The following G2E3 variants were observed in gnomAD, a reference collection of about 807,000 sequenced individuals.
The protein encoded by G2E3 is G2/M phase-specific E3 ubiquitin-protein ligase.
In G2E3, 35 loss-of-function variants were observed where a neutral mutation model predicts 92.8. The ratio of observed to expected loss-of-function variants is 0.38; its 90% CI spans 0.29 to 0.50. The LOEUF is 0.50. Among genes scored for constraint, G2E3 ranks in the 20% least tolerant of loss-of-function variants. G2E3 has a pLI of 0.94. For synonymous variants in G2E3, 242 were observed against 272.4 expected (o/e 0.89, Z 1.10); for missense variants, 554 against 823.8 (o/e 0.67, Z 4.01).
intron 1 of G2E3, among the ~76,000 whole-genome samples, chr14:30,563,805 C>T (rs552826494): frequency 9.9e-4 from 150 of 151,732 alleles, no homozygotes; most frequent in African/African-American, 1.4e-3. Flanking sequence ...CTGCAACCTC[C>T]GCCTTCCCGG....
At chr14:30,561,253 G>C (rs1407998545) in intron 1 of G2E3, among the ~76,000 whole-genome samples, 1 of 152,120 alleles carries the variant, frequency 6.6e-6, no homozygotes, top group Non-Finnish European at 1.5e-5. Flanking sequence ...AGAGGGGCTC[G>C]GTAATTTGTT....
At chr14:30,602,535 C>T (rs926012880) in intron 10 of G2E3, among the ~76,000 whole-genome samples, 5 of 151,990 alleles carry the variant, frequency 3.3e-5, no homozygotes, top group Non-Finnish European at 7.4e-5. Flanking sequence ...TAGAGTAAGA[C>T]AGGAAAGTAA....
Position 30,619,040 on chromosome 14 carries a change from TATTC to T in G2E3, c.*2510_*2513del, listed in dbSNP as rs1278895017. 5 of 152,114 alleles carry T rather than the reference TATTC, an allele frequency of 3.3e-5. No individual in the cohort carries two copies. Among genetic ancestry groups the T allele is most frequent in the Non-Finnish European group, 7.4e-5 (5 of 67,948 alleles). 9.4% of individuals were successfully genotyped at this position (152,114 alleles called of 1,614,324 possible). A position where few individuals can be genotyped will look rare whatever the true frequency, so the allele number is the denominator to read the frequency against. ...CTGTTAATGGTTTTGGTTAGTTTGA[TATTC>T]ATTGTTTTTAAACACTTTCCAATAT... On this transcript the variant is annotated 3_prime_UTR_variant, in exon 15 of 15. Transcript: ENST00000206595.
intron 6 of G2E3, among the ~76,000 whole-genome samples, chr14:30,594,816 T>C (rs1881196040): frequency 6.6e-6 from 1 of 151,210 alleles, no homozygotes; most frequent in Non-Finnish European, 1.5e-5. Context: ...CTTTTATACT[T>C]AGGATTATTC....
chr14:30,562,411 A>G (rs1229242615), intron 1 of G2E3, among the ~76,000 whole-genome samples: 2 of 152,188 alleles, frequency 1.3e-5, no homozygotes, highest in African/African-American at 4.8e-5. Flanking sequence ...CTGAGGGGAC[A>G]TAGTGAGAAG....
intron 1 of G2E3, 179 bp from the exon 2 acceptor site, chr14:30,580,897 C>A: frequency 1.9e-6 from 1 of 538,928 alleles, no homozygotes; most frequent in Non-Finnish European, 3.4e-6. Context: ...AAAAAATGTT[C>A]CCGACTCTTA....
intron 10 of G2E3, chr14:30,602,916 T>C (rs973835009): frequency 2.0e-5 from 3 of 152,252 alleles, no homozygotes; most frequent in African/African-American, 7.2e-5. Context: ...CCTGCCATTT[T>C]TTGATGTTAT....
chr14:30,594,832 A>G (rs1267513085), intron 6 of G2E3, among the ~76,000 whole-genome samples: 3 of 151,462 alleles, frequency 2.0e-5, no homozygotes, highest in Non-Finnish European at 4.4e-5. Context: ...TATTCAGTTA[A>G]AAGTGCAGGA....
chr14:30,580,264 T>C (rs1322642959), intron 1 of G2E3, among the ~76,000 whole-genome samples: 1 of 152,158 alleles, frequency 6.6e-6, no homozygotes. Flanking sequence ...TAGAGTGCAA[T>C]GGTGTGATCT....
At chr14:30,567,293 G>C (rs910896843) in intron 1 of G2E3, among the ~76,000 whole-genome samples, 1 of 152,040 alleles carries the variant, frequency 6.6e-6, no homozygotes, top group African/African-American at 2.4e-5. Context: ...AACCCATCTG[G>C]GCTAGGACTT....
At chr14:30,615,592 A>G (rs961381530) in intron 14 of G2E3, 53 bp downstream of exon 14, 4 of 1,142,404 alleles carry the variant, frequency 3.5e-6, no homozygotes, top group Non-Finnish European at 3.6e-6. Flanking sequence ...TTGTTTCAGC[A>G]TATTTGTTGG....
At chr14:30,587,237 T>C (rs547047195) in intron 3 of G2E3, among the ~76,000 whole-genome samples, 96 of 152,292 alleles carry the variant, frequency 6.3e-4, no homozygotes, top group South Asian at 3.1e-3. Context: ...ACGTCTTGGC[T>C]AAAGGTGATA....
Position 30,565,650 on chromosome 14 carries a change from C to CTTTTT in G2E3, c.-5+6403_-5+6407dup, listed in dbSNP as rs537643569. Among the ~76,000 whole-genome samples the CTTTTT allele has an allele frequency of 3.9e-4, 24 of 62,254 alleles. 1 individual carries two copies. Among genetic ancestry groups the CTTTTT allele is most frequent in the East Asian group, 5.6e-4 (1 of 1,780 alleles). The allele number at this position is 62,254 out of a possible 152,430, so 40.8% of individuals were successfully genotyped here. ...GTGAGGTAGGGGTTCAACTTCATTC[C>CTTTTT]TTTTTTTTTTTTTTTTTTTTTTTTT... is the stretch of plus-strand genomic sequence containing the variant. On this transcript the variant is annotated intron_variant, in intron 1 of 14. Coordinates refer to ENST00000206595, the MANE Select transcript of G2E3 (RefSeq NM_017769.5).
intron 1 of G2E3, among the ~76,000 whole-genome samples, chr14:30,561,511 A>G (rs1488104987): frequency 6.6e-6 from 1 of 152,144 alleles, no homozygotes; most frequent in African/African-American, 2.4e-5. Flanking sequence ...TCTTCATAAT[A>G]TTACACCAGT....
chr14:30,588,107 A>C (rs2138839745), intron 3 of G2E3, among the ~76,000 whole-genome samples: 1 of 152,288 alleles, frequency 6.6e-6, no homozygotes, highest in Admixed American at 6.5e-5. Flanking sequence ...CTTATTTATA[A>C]GAGAACATGA....
At chr14:30,567,221 G>A (rs1394851610) in intron 1 of G2E3, among the ~76,000 whole-genome samples, 1 of 152,096 alleles carries the variant, frequency 6.6e-6, no homozygotes, top group Non-Finnish European at 1.5e-5. Flanking sequence ...AATATCTTTT[G>A]GAGGGGTTTG....
chr14:30,575,769 TG>T (rs1294567929), intron 1 of G2E3, among the ~76,000 whole-genome samples: 1 of 152,110 alleles, frequency 6.6e-6, no homozygotes, highest in Non-Finnish European at 1.5e-5. Context: ...CCATTCACAG[TG>T]GCTACAAAAA....
chr14:30,604,805 G>A (rs1467944634), intron 10 of G2E3, among the ~76,000 whole-genome samples: 1 of 152,190 alleles, frequency 6.6e-6, no homozygotes, highest in Non-Finnish European at 1.5e-5. Flanking sequence ...CATAGTAAAT[G>A]TGAAGTAAAC....
chr14:30,590,317 T>C (rs986143616), intron 4 of G2E3, among the ~76,000 whole-genome samples: 1 of 151,900 alleles, frequency 6.6e-6, no homozygotes, highest in African/African-American at 2.4e-5. Flanking sequence ...GCTGAAGTTG[T>C]TTAGACTTTG....
Sources: allele counts gnomAD v4.1 joint callset (sites outside exome capture counted in the v4.1 genomes callset), GRCh38; gene constraint gnomAD v4.1.1; transcripts MANE v1.5; gene names NCBI Gene and HGNC (gene_info 2026-07-23, HGNC 2026-07-21).